KIAA1671: variants seen among roughly 807,000 people sequenced by gnomAD.
The protein encoded by KIAA1671 is KIAA1671.
In KIAA1671, 52 loss-of-function variants were observed where a neutral mutation model predicts 131.2. The observed-to-expected ratio is 0.40, with a 90% CI of 0.32 to 0.50. The LOEUF (loss-of-function observed/expected upper bound fraction) is 0.50, where lower values mean the gene tolerates loss of function less well. KIAA1671 is among the 20% of genes least tolerant of loss of function. The pLI is 0.73. For synonymous variants in KIAA1671, 1,003 were observed against 961.6 expected, an observed-to-expected ratio of 1.04 and a Z score of -0.80; for missense variants, 2,360 against 2,364.2, an observed-to-expected ratio of 1.00 and a Z score of 0.04.
chr22:24,975,130 C>A (rs1286990217), intron 1 of KIAA1671, among the ~76,000 whole-genome samples: 4 of 152,176 alleles, frequency 2.6e-5, no homozygotes, highest in African/African-American at 4.8e-5. Context: ...ATTAGTGGTG[C>A]CCCTTCACCA....
chr22:25,077,767 T>C lies in KIAA1671; in HGVS notation c.4530+28403T>C, dbSNP rs530422324. On this transcript the variant is annotated intron_variant, in intron 6 of 12. Coordinates refer to ENST00000358431, the MANE Select transcript of KIAA1671 (RefSeq NM_001145206.2). ...AGCTTCATGTCCCCACGTTTGACTC[T>C]GTGACCAGATTTTTGAATGGAAAAA... Among the ~76,000 whole-genome samples, 3 of 152,356 alleles carry C rather than the reference T, an allele frequency of 2.0e-5. No homozygotes were observed. The East Asian group carries it at 5.8e-4, about 29-fold the overall frequency.
chr22:25,111,378 A>G (rs1568961833), intron 6 of KIAA1671, among the ~76,000 whole-genome samples: 3 of 152,182 alleles, frequency 2.0e-5, no homozygotes, highest in Non-Finnish European at 4.4e-5. Flanking sequence ...TTGGGGGAGA[A>G]AAAAATGGGG....
rs74714810 is a variant in KIAA1671, at chr22:24,974,212, C to T, written c.-208+21440C>T. Reference sequence around the variant, plus strand: ...ATAGAACTTCTGGGTAAGCTGAGGACTGAAGTTCAGGTTTCCAGCCTGACT... The same window carrying T: ...ATAGAACTTCTGGGTAAGCTGAGGATTGAAGTTCAGGTTTCCAGCCTGACT... On this transcript the variant is annotated intron_variant, in intron 1 of 12. Coordinates refer to ENST00000358431, the MANE Select transcript of KIAA1671 (RefSeq NM_001145206.2). Among the ~76,000 whole-genome samples, 483 of 152,276 alleles carry T rather than the reference C, an allele frequency of 3.2e-3. 1 individual carries two copies. Among genetic ancestry groups the T allele is most frequent in the African/African-American group, 0.011 (464 of 41,556 alleles).
intron 1 of KIAA1671, among the ~76,000 whole-genome samples, chr22:24,957,673 T>TTTC (rs1921784907): frequency 7.5e-6 from 1 of 133,380 alleles, no homozygotes; most frequent in African/African-American, 3.2e-5. Flanking sequence ...TTTTGTTCCT[T>TTTC]TTTTTTTTTT....
intron 1 of KIAA1671, among the ~76,000 whole-genome samples, chr22:24,990,654 G>A (rs546303277): frequency 1.3e-5 from 2 of 152,340 alleles, no homozygotes; most frequent in African/African-American, 4.8e-5. Context: ...TCACCATGTG[G>A]GACACAGCAG....
chr22:24,963,235 A>G (rs6004367), intron 1 of KIAA1671, among the ~76,000 whole-genome samples: 4,474 of 151,752 alleles, frequency 0.029, 248 homozygotes, highest in African/African-American at 0.1. Flanking sequence ...TTTGTGGCGG[A>G]CACCTGTAAT....
intron 6 of KIAA1671, among the ~76,000 whole-genome samples, chr22:25,169,887 C>T (rs576168274): frequency 6.6e-6 from 1 of 152,296 alleles, no homozygotes; most frequent in Admixed American, 6.5e-5. Context: ...ACTTCGCTGG[C>T]TGTTTACTGG....
intron 1 of KIAA1671, among the ~76,000 whole-genome samples, chr22:24,995,046 G>T (rs1219725003): frequency 2.2e-5 from 3 of 136,494 alleles, no homozygotes; most frequent in African/African-American, 8.1e-5. Context: ...TGTATGTTAG[G>T]TTTTTTTTTT....
intron 1 of KIAA1671, among the ~76,000 whole-genome samples, chr22:24,957,628 A>T (rs1382768607): frequency 6.8e-6 from 1 of 148,144 alleles, no homozygotes; most frequent in Non-Finnish European, 1.5e-5. Flanking sequence ...AGTGCATCAG[A>T]GCTGCGCTGT....
At chr22:25,068,537 C>A (rs527624874) in intron 6 of KIAA1671, among the ~76,000 whole-genome samples, 2 of 152,180 alleles carry the variant, frequency 1.3e-5, no homozygotes, top group South Asian at 4.1e-4. Context: ...ACCGGGTTCA[C>A]GCCATTCTCC....
At chr22:25,184,922 G>A in intron 10 of KIAA1671, 55 bp from the exon 11 acceptor site, 2 of 1,544,966 alleles carry the variant, frequency 1.3e-6, no homozygotes, top group Non-Finnish European at 1.8e-6. Context: ...GCATGGGAGG[G>A]GGCCCTTCCC....
rs57822676 is a variant in KIAA1671 at position 25,156,012 on chromosome 22, C to CTTTTTTTTT, written c.4531-14789_4531-14781dup. Among the ~76,000 whole-genome samples, 27 of 35,344 alleles carry CTTTTTTTTT rather than the reference C, an allele frequency of 7.6e-4. 12 individuals carry two copies. Among genetic ancestry groups the CTTTTTTTTT allele is most frequent in the East Asian group, 1.9e-3 (2 of 1,040 alleles). The allele number at this position is 35,344 out of a possible 152,430, so 23.2% of individuals were successfully genotyped here. On this transcript the variant is annotated intron_variant, in intron 6 of 12. Coordinates refer to ENST00000358431, the MANE Select transcript of KIAA1671 (RefSeq NM_001145206.2). ...TTTTGTGCATGTATGTGTGTATGTG[C>CTTTTTTTTT]TTTTTTTTTTTTTTTTTTTTTTTTT... is the stretch of plus-strand genomic sequence containing the variant.
chr22:25,093,532 GCTTGGAGAAGTCCTTCCTCCAAGGGATCT>G (rs1930123312), intron 6 of KIAA1671, among the ~76,000 whole-genome samples: 1 of 152,114 alleles, frequency 6.6e-6, no homozygotes, highest in Non-Finnish European at 1.5e-5. Flanking sequence ...GTGTTCAATT[GCTTGGAGAAGTCCTTCCTCCAAGGGATCT>G]CATTAAGTCC....
chr22:25,071,906 T>C (rs1054813499), intron 6 of KIAA1671, among the ~76,000 whole-genome samples: 2 of 152,164 alleles, frequency 1.3e-5, no homozygotes, highest in Non-Finnish European at 2.9e-5. Flanking sequence ...ATTTGGACTT[T>C]GCTCAAGGAA....
intron 6 of KIAA1671, among the ~76,000 whole-genome samples, chr22:25,119,462 T>C (rs1273615171): frequency 6.6e-6 from 1 of 152,222 alleles, no homozygotes; most frequent in Non-Finnish European, 1.5e-5. Flanking sequence ...TAGGAATTTT[T>C]AATTGAGTAC....
At chr22:24,997,093 A>G (rs922875307) in intron 1 of KIAA1671, among the ~76,000 whole-genome samples, 1 of 152,182 alleles carries the variant, frequency 6.6e-6, no homozygotes, top group African/African-American at 2.4e-5. Context: ...TGCTTCAGCA[A>G]ATGTTTATTG....
intron 6 of KIAA1671, among the ~76,000 whole-genome samples, chr22:25,137,986 C>T (rs575033875): frequency 8.8e-4 from 134 of 152,214 alleles, no homozygotes; most frequent in Admixed American, 1.9e-3. Context: ...AATGGCTGTC[C>T]TGCAGTAGAT....
rs559005087 is a variant in KIAA1671 at position 25,075,294 on chromosome 22, C to T, written c.4530+25930C>T. Among the ~76,000 whole-genome samples the T allele has an allele frequency of 5.9e-5, 9 of 152,270 alleles. No individual in the cohort carries two copies. The South Asian group carries it at 6.2e-4, about 11-fold the overall frequency. ...GACAGGTCCTTCCCTCCCCTCCCCT[C>T]GACAGCACCAAGAATGATCCTGGCC... On this transcript the variant is annotated intron_variant, in intron 6 of 12. Transcript: ENST00000358431.
At chr22:25,167,433 AG>A (rs1191142736) in intron 6 of KIAA1671, among the ~76,000 whole-genome samples, 1 of 152,242 alleles carries the variant, frequency 6.6e-6, no homozygotes, top group Non-Finnish European at 1.5e-5. Context: ...AGCAACCAAA[AG>A]TCCCAGCACT....
Sources: allele counts gnomAD v4.1 joint callset (sites outside exome capture counted in the v4.1 genomes callset), GRCh38; gene constraint gnomAD v4.1.1; transcripts MANE v1.5; gene names NCBI Gene and HGNC (gene_info 2026-07-23, HGNC 2026-07-21).